The following RACGAP1 variants were observed in gnomAD, a reference collection of about 807,000 sequenced individuals.
RACGAP1 encodes Rac GTPase activating protein 1.
In RACGAP1, 30 loss-of-function variants were observed where a neutral mutation model predicts 78.1. The observed-to-expected ratio is 0.38, with a 90% confidence interval of 0.29 to 0.52. The LOEUF (loss-of-function observed/expected upper bound fraction) is 0.52, where lower values mean the gene tolerates loss of function less well. RACGAP1 is among the 20% of genes least tolerant of loss of function. RACGAP1 has a pLI of 0.82. For missense variants in RACGAP1, 587 were observed against 777.1 expected (o/e 0.76, Z 2.91); for synonymous variants, 231 against 264.8 (o/e 0.87, Z 1.24).
In RACGAP1 at chr12:49,992,051, T is replaced by G; in HGVS notation, c.1661A>C (p.His554Pro). The G allele has an allele frequency of 2.5e-6, 4 of 1,614,110 alleles. No homozygotes were observed. Among genetic ancestry groups the G allele is most frequent in the Non-Finnish European group, 3.4e-6 (4 of 1,180,032 alleles). ...AAAGGCATTTGAGTTTTCAATGACA[T>G]GTAGGGGGTCAATGTTCTCTTGCTC... ...MVEQENIDPL[H>P]VIENSNAFST... is the part of the protein sequence containing the mutation. The change falls in exon 15 of 17, where the codon CAT becomes CCT. Residue 554 changes from histidine (H) to proline (P), a missense_variant. Transcript: ENST00000312377.
rs552415278 is a variant in RACGAP1, at chr12:50,005,407, A to G, written c.289-15T>C. The G allele has an allele frequency of 3.1e-5, 50 of 1,613,756 alleles. 1 individual carries two copies. In the South Asian group the frequency reaches 5.4e-4, roughly 17 times the overall value. ...ATCTGTCGTTCCTACAGACCAAAGC[A>G]AAGTAAAACATCATAACTAGCCAGG... On this transcript the variant is annotated splice_polypyrimidine_tract_variant and intron_variant, in intron 3 of 16. Coordinates refer to ENST00000312377, the MANE Select transcript of RACGAP1 (RefSeq NM_001319999.2).
intron 2 of RACGAP1, among the ~76,000 whole-genome samples, chr12:50,031,309 T>C (rs1198272992): frequency 2.7e-5 from 4 of 149,396 alleles, no homozygotes; most frequent in African/African-American, 9.8e-5. Flanking sequence ...AAACCCCGTC[T>C]CTACTAAAAA....
chr12:50,020,217 A>C (rs936099148), intron 1 of RACGAP1, among the ~76,000 whole-genome samples: 14 of 151,836 alleles, frequency 9.2e-5, no homozygotes, highest in African/African-American at 3.4e-4. Flanking sequence ...TTGCTCTGTC[A>C]CCCAGGCTGG....
chr12:49,993,454 T>C (rs1001106347), intron 12 of RACGAP1, among the ~76,000 whole-genome samples: 5 of 152,202 alleles, frequency 3.3e-5, no homozygotes, highest in Non-Finnish European at 5.9e-5. Context: ...CTTGAGCACC[T>C]ACTATGTTTC....
intron 12 of RACGAP1, among the ~76,000 whole-genome samples, 180 bp from the exon 13 acceptor site, chr12:49,992,835 A>G (rs1246449513): frequency 6.6e-6 from 1 of 152,246 alleles, no homozygotes; most frequent in Admixed American, 6.5e-5. Flanking sequence ...GCTCAATATT[A>G]GAAGTCAAAA....
At chr12:49,999,779 T>C in intron 7 of RACGAP1, 46 bp from the exon 8 acceptor site, 2 of 1,449,816 alleles carry the variant, frequency 1.4e-6, no homozygotes, top group South Asian at 1.1e-5. Flanking sequence ...AGAATCTAAC[T>C]TACCCTCCAC....
chr12:50,026,104 C>G (rs949813734), upstream of RACGAP1, among the ~76,000 whole-genome samples: 1 of 152,188 alleles, frequency 6.6e-6, no homozygotes, highest in African/African-American at 2.4e-5. Flanking sequence ...TTATTTAGAA[C>G]TTGGCATTGT....
At chr12:49,991,902 G>A in intron 15 of RACGAP1, 96 bp downstream of exon 15, 1 of 1,551,828 alleles carries the variant, frequency 6.4e-7, no homozygotes, top group Non-Finnish European at 8.6e-7. Flanking sequence ...TTTAATGTTA[G>A]AATTTTCAAA....
intron 2 of RACGAP1, among the ~76,000 whole-genome samples, chr12:50,008,066 T>C (rs1454224864): frequency 6.6e-6 from 1 of 151,282 alleles, no homozygotes; most frequent in Non-Finnish European, 1.5e-5. Context: ...AGGATACTCC[T>C]TTTATTAAAT....
At position 49,989,927 on chromosome 12, in the gene RACGAP1, A is replaced by T; in HGVS notation, c.*341T>A. ...CAGTTCTAAATGAAACTAGAGAAAG[A>T]TCATTCTATGAGCAGCATTTGGCTT... On this transcript the variant is annotated 3_prime_UTR_variant, in exon 17 of 17. Transcript: ENST00000312377. The T allele has an allele frequency of 4.7e-6, 1 of 210,684 alleles. No individual in the cohort carries two copies. The highest frequency in any genetic ancestry group is 1.0e-4 in the East Asian group (1 of 10,034). 13.1% of individuals were successfully genotyped at this position (210,684 alleles called of 1,614,324 possible). A position where few individuals can be genotyped will look rare whatever the true frequency, so the allele number is the denominator to read the frequency against.
At chr12:50,016,880 T>C in intron 1 of RACGAP1, 161 bp from the exon 2 acceptor site, 2 of 1,372,382 alleles carry the variant, frequency 1.5e-6, no homozygotes, top group Non-Finnish European at 1.9e-6. Flanking sequence ...GTGATTCTTA[T>C]TATAAAAACA....
rs1948286731 is a variant in RACGAP1, at chr12:49,996,628, T to TGA, written c.1044+411_1044+412insTC. Reference sequence around the variant, plus strand: ...TGCACTCCAGCCTAGGCAATAGAGCTAAAAAAAAAAAAAAAAAAAAAAAAA... The same window carrying TGA: ...TGCACTCCAGCCTAGGCAATAGAGCTGAAAAAAAAAAAAAAAAAAAAAAAAAA... On this transcript the variant is annotated intron_variant, in intron 10 of 16. Coordinates refer to ENST00000312377, the MANE Select transcript of RACGAP1 (RefSeq NM_001319999.2). Among the ~76,000 whole-genome samples the TGA allele has an allele frequency of 7.9e-4, 15 of 18,996 alleles. 1 individual carries two copies. Among genetic ancestry groups the TGA allele is most frequent in the African/African-American group, 2.9e-3 (13 of 4,440 alleles). 12.5% of individuals were successfully genotyped at this position (18,996 alleles called of 152,430 possible).
intron 2 of RACGAP1, among the ~76,000 whole-genome samples, chr12:50,006,987 T>C (rs527594270): frequency 3.8e-4 from 58 of 152,330 alleles, no homozygotes; most frequent in African/African-American, 1.3e-3. Context: ...GCAGCTGTCA[T>C]GCACCAGGAC....
At chr12:50,024,615 A>G (rs1293987900) in intron 1 of RACGAP1, among the ~76,000 whole-genome samples, 2 of 152,158 alleles carry the variant, frequency 1.3e-5, no homozygotes, top group African/African-American at 4.8e-5. Context: ...GACGCGATAT[A>G]TGCATGTAAG....
chr12:50,026,359 A>G (rs552737329), upstream of RACGAP1, among the ~76,000 whole-genome samples: 20 of 152,284 alleles, frequency 1.3e-4, no homozygotes, highest in East Asian at 3.5e-3. Flanking sequence ...TAAAAAAAAA[A>G]AAAGAAAAGA....
rs1193581214 is a variant in RACGAP1 at position 49,989,480 on chromosome 12, G to A, written c.*788C>T. On this transcript the variant is annotated 3_prime_UTR_variant, in exon 17 of 17. Coordinates refer to ENST00000312377, the MANE Select transcript of RACGAP1 (RefSeq NM_001319999.2). The stretch of plus-strand genomic sequence containing the variant: ...ATGATATATTGACCTTTAGAAGTTG[G>A]GCTCCACTGGACAAGGTTGGGGGTA... 3 of 152,082 alleles carry A rather than the reference G, an allele frequency of 2.0e-5. No individual in the cohort carries two copies. Among genetic ancestry groups the A allele is most frequent in the Admixed American group, 6.6e-5 (1 of 15,266 alleles). The allele number at this position is 152,082 out of a possible 1,614,324, so 9.4% of individuals were successfully genotyped here. A position where few individuals can be genotyped will look rare whatever the true frequency, so the allele number is the denominator to read the frequency against.
chr12:50,001,894 C>T (rs897159926), intron 6 of RACGAP1, among the ~76,000 whole-genome samples: 6 of 151,820 alleles, frequency 4.0e-5, no homozygotes, highest in Admixed American at 2.6e-4. Context: ...GGTGAAACCC[C>T]GTTTCTACTA....
intron 1 of RACGAP1, among the ~76,000 whole-genome samples, chr12:50,018,251 A>T (rs1021899192): frequency 2.0e-5 from 3 of 152,166 alleles, no homozygotes; most frequent in African/African-American, 7.2e-5. Context: ...TAATTGCTAT[A>T]ATAGAAAAAA....
chr12:50,019,123 C>T (rs1949850275), intron 1 of RACGAP1, among the ~76,000 whole-genome samples: 1 of 152,170 alleles, frequency 6.6e-6, no homozygotes, highest in African/African-American at 2.4e-5. Context: ...GGTTCCTCCC[C>T]TTCCCACAGC....
Sources: gnomAD v4.1 joint callset for allele counts (sites outside exome capture counted in the v4.1 genomes callset) on GRCh38, gnomAD v4.1.1 for gene constraint, MANE v1.5 for transcripts, NCBI Gene and HGNC (gene_info 2026-07-23, HGNC 2026-07-21) for gene names.